Variants in UQCRC2 observed in about 807,000 individuals in gnomAD.
UQCRC2 encodes ubiquinol-cytochrome c reductase core protein 2.
In UQCRC2, 49 loss-of-function variants were observed where a neutral mutation model predicts 55.6. That is an observed-to-expected ratio of 0.88 (90% CI 0.70 to 1.12). The LOEUF is 1.12. Among genes scored for constraint, UQCRC2 ranks in the 50% most tolerant of loss-of-function variants. The pLI is 0.00. For missense variants in UQCRC2, 506 were observed against 547.8 expected, an observed-to-expected ratio of 0.92 and a Z score of 0.76; for synonymous variants, 193 against 192.0, an observed-to-expected ratio of 1.01 and a Z score of -0.04.
intron 12 of UQCRC2, among the ~76,000 whole-genome samples, chr16:21,977,135 CT>C (rs1898605067): frequency 6.6e-6 from 1 of 152,106 alleles, no homozygotes; most frequent in East Asian, 1.9e-4. Flanking sequence ...AGGAGGATCA[CT>C]TGAGGCCAGG....
At chr16:21,971,031 G>A (rs928784560) in intron 8 of UQCRC2, among the ~76,000 whole-genome samples, 13 of 152,014 alleles carry the variant, frequency 8.6e-5, no homozygotes, top group African/African-American at 2.4e-4. Flanking sequence ...CATTTCATGG[G>A]TCCTCTTTTT....
intron 6 of UQCRC2, among the ~76,000 whole-genome samples, chr16:21,963,833 T>G (rs1303013951): frequency 6.6e-6 from 1 of 152,202 alleles, no homozygotes; most frequent in Non-Finnish European, 1.5e-5. Flanking sequence ...GCTGCTGCTA[T>G]TATTGCTTAC....
Position 21,953,468 on chromosome 16 carries a change from T to A in UQCRC2, c.33+12T>A. 6.2e-7 allele frequency: 1 copy of A among 1,611,680 alleles called. No homozygotes were observed. Among genetic ancestry groups the A allele is most frequent in the Non-Finnish European group, 8.5e-7 (1 of 1,179,058 alleles). On this transcript the variant is annotated intron_variant, in intron 1 of 13. Transcript: ENST00000268379. ...CCGGCTCTTTCTCGGTGAGCTCAGG[T>A]GGCGGGTTTGGGAAAGGGCTGGGGA...
chr16:21,957,808 C>T (rs987269983), intron 3 of UQCRC2, among the ~76,000 whole-genome samples: 5 of 152,304 alleles, frequency 3.3e-5, no homozygotes, highest in Middle Eastern at 3.4e-3. Flanking sequence ...TCTAAAGGTT[C>T]TAGGAAGGCA....
At chr16:21,963,082 G>A (rs1012214544) in intron 6 of UQCRC2, 197 bp downstream of exon 6, 2 of 507,266 alleles carry the variant, frequency 3.9e-6, no homozygotes, top group South Asian at 3.0e-5. Context: ...TCCAGCTCCC[G>A]GGTTCAAGCA....
chr16:21,973,846 CCT>C (rs1166768424), intron 10 of UQCRC2, 48 bp from the exon 11 acceptor site: 1 of 1,547,224 alleles, frequency 6.5e-7, no homozygotes, highest in East Asian at 2.3e-5. Flanking sequence ...GAAATCGTGC[CCT>C]GTTTTACTTG....
chr16:21,970,583 T>C (rs1189693876), intron 8 of UQCRC2, among the ~76,000 whole-genome samples: 2 of 152,156 alleles, frequency 1.3e-5, no homozygotes, highest in Admixed American at 1.3e-4. Flanking sequence ...TGTATAACTT[T>C]TTTTGTTTGT....
intron 4 of UQCRC2, among the ~76,000 whole-genome samples, chr16:21,959,932 G>A (rs959630446): frequency 6.6e-6 from 1 of 152,170 alleles, no homozygotes; most frequent in Non-Finnish European, 1.5e-5. Context: ...AGTCAACCAT[G>A]CTATAAACAG....
chr16:21,960,045 T>G (rs1267332351), intron 4 of UQCRC2, among the ~76,000 whole-genome samples: 1 of 152,192 alleles, frequency 6.6e-6, no homozygotes, highest in East Asian at 1.9e-4. Flanking sequence ...GTAAATGACC[T>G]CATCCTAAAG....
intron 12 of UQCRC2, among the ~76,000 whole-genome samples, chr16:21,977,243 A>G (rs1898607618): frequency 6.6e-6 from 1 of 151,976 alleles, no homozygotes; most frequent in African/African-American, 2.4e-5. Flanking sequence ...AGCCTCAGCT[A>G]CTCAGGAGGC....
intron 1 of UQCRC2, 140 bp downstream of exon 1, chr16:21,953,596 T>G (rs967137146): frequency 9.1e-7 from 1 of 1,099,426 alleles, no homozygotes; most frequent in African/African-American, 1.6e-5. Context: ...CCAAGTGGGC[T>G]GCAGACTGGG....
chr16:21,964,149 A>G (rs577803651), intron 6 of UQCRC2, among the ~76,000 whole-genome samples: 2 of 152,198 alleles, frequency 1.3e-5, no homozygotes, highest in Non-Finnish European at 2.9e-5. Flanking sequence ...ATGTTATTTC[A>G]TGATGATGCT....
chr16:21,968,146 C>T (rs933530707), intron 7 of UQCRC2, among the ~76,000 whole-genome samples: 4 of 151,852 alleles, frequency 2.6e-5, no homozygotes, highest in African/African-American at 4.8e-5. Flanking sequence ...GGATTACAGG[C>T]GTGCACCACC....
chr16:21,968,107 T>G (rs1898372686), intron 7 of UQCRC2, among the ~76,000 whole-genome samples: 1 of 150,236 alleles, frequency 6.7e-6, no homozygotes, highest in Non-Finnish European at 1.5e-5. Context: ...ATTCAAACAA[T>G]TCTCGTGCCT....
At chr16:21,974,365 C>T (rs1898533556) in intron 11 of UQCRC2, among the ~76,000 whole-genome samples, 1 of 152,122 alleles carries the variant, frequency 6.6e-6, no homozygotes, top group Admixed American at 6.5e-5. Context: ...AGCTCAATTT[C>T]TGGGAAACAA....
At position 21,983,495 on chromosome 16, in the gene UQCRC2, A is replaced by G. The variant is rs1367090913; in HGVS notation, c.*324A>G. On this transcript the variant is annotated 3_prime_UTR_variant, in exon 14 of 14. Transcript: ENST00000268379. The stretch of plus-strand genomic sequence containing the variant: ...CTATTAAAATTAAGGCTAAGTGGCT[A>G]TCGGGGTAAATAGTGCCAGATTACT... 1 of 344,994 alleles carries G rather than the reference A, an allele frequency of 2.9e-6. No individual in the cohort carries two copies. The highest frequency in any genetic ancestry group is 5.2e-6 in the Non-Finnish European group (1 of 193,544). 21.4% of individuals were successfully genotyped at this position (344,994 alleles called of 1,614,324 possible). A position where few individuals can be genotyped will look rare whatever the true frequency, so the allele number is the denominator to read the frequency against.
intron 12 of UQCRC2, among the ~76,000 whole-genome samples, chr16:21,977,385 A>C (rs1898611254): frequency 6.6e-6 from 1 of 152,106 alleles, no homozygotes; most frequent in Non-Finnish European, 1.5e-5. Context: ...CTAAGTCACA[A>C]ATCTAAAGAG....
chr16:21,956,377 C>T (rs1038244873), intron 1 of UQCRC2, among the ~76,000 whole-genome samples: 4 of 152,040 alleles, frequency 2.6e-5, no homozygotes, highest in African/African-American at 9.7e-5. Context: ...AACGCCATCT[C>T]TACTAAAATA....
chr16:21,962,603 C>T, intron 5 of UQCRC2, 87 bp downstream of exon 5: 2 of 1,595,668 alleles, frequency 1.3e-6, no homozygotes, highest in Non-Finnish European at 1.7e-6. Flanking sequence ...TCATTATGAC[C>T]TCTGACTTCC....
Sources: gnomAD v4.1 joint callset for allele counts (sites outside exome capture counted in the v4.1 genomes callset) on GRCh38, gnomAD v4.1.1 for gene constraint, MANE v1.5 for transcripts, NCBI Gene and HGNC (gene_info 2026-07-23, HGNC 2026-07-21) for gene names.